SLCO1C1: variants seen among roughly 807,000 people sequenced by gnomAD.
SLCO1C1 encodes OAT-RP-5.
SLCO1C1 carries 70 observed loss-of-function variants against 76.4 expected under a neutral mutation model. The ratio of observed to expected loss-of-function variants is 0.92; its 90% CI spans 0.76 to 1.12. SLCO1C1 has a LOEUF of 1.12. SLCO1C1 is among the 50% of genes most tolerant of loss of function. SLCO1C1 has a pLI of 0.00. For synonymous variants in SLCO1C1, 306 were observed against 286.1 expected (o/e 1.07, Z -0.70); for missense variants, 912 against 823.8 (o/e 1.11, Z -1.31).
chr12:20,727,105 G>C (rs1948048534), intron 9 of SLCO1C1, among the ~76,000 whole-genome samples: 1 of 152,172 alleles, frequency 6.6e-6, no homozygotes, highest in African/African-American at 2.4e-5. Context: ...TCAATCCACT[G>C]TTGATGGGTG....
Position 20,722,043 on chromosome 12 carries a change from GC to G in SLCO1C1, c.1016del (p.Ala339GlufsTer8). On this transcript the variant is annotated frameshift_variant, in exon 8 of 15. Coordinates refer to ENST00000266509, the MANE Select transcript of SLCO1C1 (RefSeq NM_017435.5). LOFTEE classifies it high-confidence loss of function. ...QGENAKIMEMARDFLPSLKNL... is the reference protein window; with the variant it reads ...QGENAKIMEMXRDFLPSLKNL... ...AGAAAATGCAAAAATAATGGAAATGGCAAGAGGTAAGTCAAATTCTTGATTT... is the reference window on the plus strand; with the variant it reads ...AGAAAATGCAAAAATAATGGAAATGGAAGAGGTAAGTCAAATTCTTGATTT... 1.2e-6 allele frequency: 2 copies of G among 1,612,410 alleles called. No individual in the cohort carries two copies. Among genetic ancestry groups the G allele is most frequent in the East Asian group, 4.5e-5 (2 of 44,860 alleles).
At chr12:20,733,876 T>C (rs377696189) in intron 10 of SLCO1C1, among the ~76,000 whole-genome samples, 1 of 152,160 alleles carries the variant, frequency 6.6e-6, no homozygotes, top group Non-Finnish European at 1.5e-5. Flanking sequence ...CCCTTGCCCA[T>C]TGAGAGTCTT....
intron 13 of SLCO1C1, among the ~76,000 whole-genome samples, chr12:20,743,614 T>G (rs987416719): frequency 6.6e-6 from 1 of 152,172 alleles, no homozygotes; most frequent in Non-Finnish European, 1.5e-5. Context: ...AAATTAATCA[T>G]AATTTTTGTT....
chr12:20,732,774 CTT>C lies in SLCO1C1; in HGVS notation c.1187-133_1187-132del. The C allele has an allele frequency of 4.5e-6, 4 of 884,120 alleles. No individual in the cohort carries two copies. The South Asian group carries it at 5.2e-5, about 12-fold the overall frequency. The allele number at this position is 884,120 out of a possible 1,614,324, so 54.8% of individuals were successfully genotyped here. ...ATAACCTAGATACTCATCATACACT[CTT>C]TGTATATGTCAGTAGATGATAGTGA... On this transcript the variant is annotated intron_variant, in intron 9 of 14. Coordinates refer to ENST00000266509, the MANE Select transcript of SLCO1C1 (RefSeq NM_017435.5).
chr12:20,745,023 G>A (rs7311533), intron 13 of SLCO1C1, among the ~76,000 whole-genome samples: 66,242 of 151,932 alleles, frequency 0.44, 17,172 homozygotes, highest in South Asian at 0.63. Flanking sequence ...TTATTGTATG[G>A]TGTTTTTGGT....
chr12:20,703,559 T>TAG (rs1343430352), intron 3 of SLCO1C1, among the ~76,000 whole-genome samples: 1 of 151,826 alleles, frequency 6.6e-6, no homozygotes, highest in East Asian at 1.9e-4. Context: ...GTGGTTTTGA[T>TAG]AGATACACTT....
intron 9 of SLCO1C1, among the ~76,000 whole-genome samples, chr12:20,724,307 C>CTTT (rs1288580397): frequency 1.3e-5 from 2 of 150,108 alleles, no homozygotes; most frequent in Non-Finnish European, 3.0e-5. Flanking sequence ...TTTTATTTCA[C>CTTT]TTTTATGTCT....
intron 13 of SLCO1C1, among the ~76,000 whole-genome samples, chr12:20,743,887 T>A (rs758111183): frequency 2.6e-5 from 4 of 151,954 alleles, no homozygotes; most frequent in Non-Finnish European, 4.4e-5. Flanking sequence ...TTTTTCTGAC[T>A]ACCAAATTTT....
At chr12:20,738,673 G>T (rs1948665085) in intron 11 of SLCO1C1, among the ~76,000 whole-genome samples, 1 of 151,916 alleles carries the variant, frequency 6.6e-6, no homozygotes, top group Non-Finnish European at 1.5e-5. Context: ...TTTGCTCACA[G>T]CTGCATGAAG....
In SLCO1C1 at chr12:20,713,312, C is replaced by T. The variant is rs12812030; in HGVS notation, c.529+1802C>T. 2.9e-3 allele frequency among the ~76,000 whole-genome samples: 445 copies of T among 152,102 alleles called. 3 individuals are homozygous for T. The highest frequency in any genetic ancestry group is 6.3e-3 in the Admixed American group (96 of 15,280). ...GCCAGGATGGTCTCGATCTCCTGAC[C>T]TCGTGATCCGCCCGCCTCGGCCTCC... On this transcript the variant is annotated intron_variant, in intron 5 of 14. Transcript: ENST00000266509.
In SLCO1C1 at chr12:20,743,384, T is replaced by C. The variant is rs746400866; in HGVS notation, c.1798+15T>C. 1 of 1,598,612 alleles carries C rather than the reference T, an allele frequency of 6.3e-7. No individual in the cohort carries two copies. Among genetic ancestry groups the C allele is most frequent in the Non-Finnish European group, 8.6e-7 (1 of 1,167,354 alleles). Reference sequence around the variant, plus strand: ...AAGAGTTCTTGGTAAGTTTAACCTATGCTTTAATTTATGGTAGACACCGTA... The same window carrying C: ...AAGAGTTCTTGGTAAGTTTAACCTACGCTTTAATTTATGGTAGACACCGTA... On this transcript the variant is annotated intron_variant, in intron 13 of 14. Transcript: ENST00000266509.
At chr12:20,705,809 A>G in intron 3 of SLCO1C1, 140 bp from the exon 4 acceptor site, 1 of 751,924 alleles carries the variant, frequency 1.3e-6, no homozygotes, top group South Asian at 2.0e-5. Flanking sequence ...ATCTCAGATT[A>G]AAGGAAAAAA....
At chr12:20,698,025 C>G (rs1946342802) in intron 1 of SLCO1C1, among the ~76,000 whole-genome samples, 1 of 151,922 alleles carries the variant, frequency 6.6e-6, no homozygotes, top group South Asian at 2.1e-4. Flanking sequence ...TTGATAATGT[C>G]TTTCTTGGCT....
chr12:20,727,883 T>A (rs1192831355), intron 9 of SLCO1C1, among the ~76,000 whole-genome samples: 1 of 152,202 alleles, frequency 6.6e-6, no homozygotes, highest in Non-Finnish European at 1.5e-5. Flanking sequence ...TATTTTCTTG[T>A]TGTTTCGTTT....
chr12:20,748,313 A>G (rs1949140615), intron 13 of SLCO1C1, among the ~76,000 whole-genome samples: 2 of 152,198 alleles, frequency 1.3e-5, no homozygotes, highest in South Asian at 2.1e-4. Context: ...ACTGGGATTT[A>G]TCAACTGTGT....
At chr12:20,705,722 G>A (rs189345144) in intron 3 of SLCO1C1, among the ~76,000 whole-genome samples, 1 of 152,082 alleles carries the variant, frequency 6.6e-6, no homozygotes, top group East Asian at 1.9e-4. Context: ...GGTGAAGTGA[G>A]GTAGAAGGAT....
chr12:20,711,912 T>C (rs1947127058), intron 5 of SLCO1C1, among the ~76,000 whole-genome samples: 1 of 152,192 alleles, frequency 6.6e-6, no homozygotes, highest in South Asian at 2.1e-4. Flanking sequence ...GGCAAAAATG[T>C]AATCTCAATT....
intron 4 of SLCO1C1, among the ~76,000 whole-genome samples, chr12:20,709,346 C>T (rs1189234800): frequency 6.6e-6 from 1 of 152,000 alleles, no homozygotes; most frequent in Admixed American, 6.6e-5. Context: ...ACAAAAGTGG[C>T]TCTTAGATAA....
chr12:20,739,322 T>A (rs1001391194), intron 11 of SLCO1C1, among the ~76,000 whole-genome samples: 1 of 152,000 alleles, frequency 6.6e-6, no homozygotes, highest in Non-Finnish European at 1.5e-5. Context: ...GATATCCTGA[T>A]AGGTAGTAAG....
Sources: allele counts gnomAD v4.1 joint callset (sites outside exome capture counted in the v4.1 genomes callset), GRCh38; gene constraint gnomAD v4.1.1; transcripts MANE v1.5; gene names NCBI Gene and HGNC (gene_info 2026-07-23, HGNC 2026-07-21).